Variants in ASTN2 observed in about 807,000 individuals in gnomAD.
ASTN2 encodes astrotactin 2, also known as astrotactin-2.
Under a neutral mutation model 139.8 loss-of-function variants are expected in ASTN2, and 54 were observed. That is an observed-to-expected ratio of 0.39 (90% CI 0.31 to 0.48). The LOEUF (loss-of-function observed/expected upper bound fraction) is 0.48. ASTN2 is among the 20% of genes least tolerant of loss of function. ASTN2 has a pLI of 0.95. For synonymous variants in ASTN2, 756 were observed against 719.5 expected (o/e 1.05, Z -0.81); for missense variants, 1,565 against 1,725.1 (o/e 0.91, Z 1.64).
intron 7 of ASTN2, among the ~76,000 whole-genome samples, chr9:116,992,646 T>A (rs1836892000): frequency 6.6e-6 from 1 of 152,164 alleles, no homozygotes; most frequent in African/African-American, 2.4e-5. Flanking sequence ...CCTTTCACCC[T>A]GAGTTGGTGT....
At chr9:117,366,046 C>T (rs1176957465) in intron 1 of ASTN2, among the ~76,000 whole-genome samples, 1 of 152,152 alleles carries the variant, frequency 6.6e-6, no homozygotes, top group African/African-American at 2.4e-5. Flanking sequence ...CTGTTCGTTT[C>T]CCCTTGTAAA....
chr9:117,336,683 T>C (rs1828894176), intron 1 of ASTN2, among the ~76,000 whole-genome samples: 1 of 152,178 alleles, frequency 6.6e-6, no homozygotes, highest in Non-Finnish European at 1.5e-5. Context: ...TTCCTGACCT[T>C]GCCTAAAATG....
At chr9:116,625,869 C>A (rs1342861719) in intron 17 of ASTN2, among the ~76,000 whole-genome samples, 2 of 152,052 alleles carry the variant, frequency 1.3e-5, no homozygotes, top group African/African-American at 4.8e-5. Flanking sequence ...GAGATTTTGT[C>A]CCTCTCTCCT....
intron 2 of ASTN2, among the ~76,000 whole-genome samples, chr9:117,223,877 C>G (rs1327024596): frequency 6.6e-6 from 1 of 152,096 alleles, no homozygotes; most frequent in Non-Finnish European, 1.5e-5. Flanking sequence ...AAACATGTTT[C>G]TCTTTAAAAT....
At chr9:116,762,273 T>C (rs1008393345) in intron 13 of ASTN2, among the ~76,000 whole-genome samples, 15 of 152,350 alleles carry the variant, frequency 9.8e-5, no homozygotes, top group African/African-American at 2.9e-4. Context: ...GTTTTGCCAC[T>C]TGTTGTCTGT....
chr9:116,808,839 C>A (rs773461469), intron 12 of ASTN2, among the ~76,000 whole-genome samples: 5 of 152,124 alleles, frequency 3.3e-5, no homozygotes. Context: ...TACTGCCAAT[C>A]TAGGATAGGA....
In ASTN2 at chr9:116,993,876, A is replaced by ATTTT. The variant is rs1554767643; in HGVS notation, c.1591+14212_1591+14215dup. ...ATGATATATATATATATATATATAT[A>ATTTT]TTTTAACTATATTACTATATATATT... On this transcript the variant is annotated intron_variant, in intron 7 of 22. Transcript: ENST00000313400. 1.1e-3 allele frequency among the ~76,000 whole-genome samples: 157 copies of ATTTT among 142,046 alleles called. 1 individual carries two copies. The highest frequency in any genetic ancestry group is 3.9e-3 in the African/African-American group (150 of 38,852). The allele number at this position is 142,046 out of a possible 152,430, so 93.2% of individuals were successfully genotyped here. A position where few individuals can be genotyped will look rare whatever the true frequency, so the allele number is the denominator to read the frequency against.
At chr9:117,157,765 A>G (rs1262876969) in intron 3 of ASTN2, among the ~76,000 whole-genome samples, 9 of 152,140 alleles carry the variant, frequency 5.9e-5, no homozygotes, top group Middle Eastern at 3.4e-3. Context: ...GGTGCTATAG[A>G]TGAGAAGGAG....
At chr9:117,409,445 G>A (rs555194369) in intron 1 of ASTN2, among the ~76,000 whole-genome samples, 38 of 152,282 alleles carry the variant, frequency 2.5e-4, no homozygotes, top group Non-Finnish European at 4.1e-4. Flanking sequence ...TCTGCCAAAC[G>A]GAGGTCCAGT....
At chr9:117,010,430 A>G (rs1372949758) in intron 6 of ASTN2, among the ~76,000 whole-genome samples, 23 of 152,166 alleles carry the variant, frequency 1.5e-4, no homozygotes, top group Non-Finnish European at 2.4e-4. Flanking sequence ...ATTGTGTCCC[A>G]GGGCTGAGTT....
At chr9:117,339,262 C>G (rs1159718938) in intron 1 of ASTN2, among the ~76,000 whole-genome samples, 1 of 152,168 alleles carries the variant, frequency 6.6e-6, no homozygotes, top group East Asian at 1.9e-4. Flanking sequence ...GTGGCAGAAT[C>G]AGGGTAGGAA....
At chr9:116,508,485 A>AGT (rs112019921) in intron 19 of ASTN2, among the ~76,000 whole-genome samples, 2,566 of 150,200 alleles carry the variant, frequency 0.017, 31 homozygotes, top group Middle Eastern at 0.056. Flanking sequence ...TGTGAGTGTG[A>AGT]GTGTGTGTGT....
chr9:116,439,386 G>GCTTTTGTTC (rs1847770616), intron 22 of ASTN2, among the ~76,000 whole-genome samples: 1 of 145,596 alleles, frequency 6.9e-6, no homozygotes, highest in African/African-American at 2.6e-5. Flanking sequence ...ATTTTTAGTA[G>GCTTTTGTTC]AGACGGGGTT....
At chr9:116,659,456 CTTTGT>C (rs375788206) in intron 16 of ASTN2, among the ~76,000 whole-genome samples, 55 of 152,230 alleles carry the variant, frequency 3.6e-4, no homozygotes, top group Middle Eastern at 3.4e-3. Context: ...GACAGTTGGT[CTTTGT>C]TTTATTTTAT....
intron 1 of ASTN2, among the ~76,000 whole-genome samples, chr9:117,333,216 C>T (rs986318609): frequency 1.5e-4 from 23 of 152,164 alleles, no homozygotes; most frequent in Admixed American, 5.9e-4. Context: ...CTGTTAATTC[C>T]ACCTCATCAC....
chr9:117,055,932 ACT>A (rs1246579936), intron 5 of ASTN2, among the ~76,000 whole-genome samples: 12 of 152,286 alleles, frequency 7.9e-5, no homozygotes, highest in African/African-American at 2.9e-4. Context: ...TTTAGCTCAC[ACT>A]CTCTTTGGCT....
intron 10 of ASTN2, among the ~76,000 whole-genome samples, chr9:116,867,185 A>T (rs537802252): frequency 1.3e-5 from 2 of 152,284 alleles, no homozygotes; most frequent in East Asian, 3.9e-4. Context: ...GAAAGCAAAG[A>T]GAGAAACAGA....
chr9:116,736,149 T>C (rs1828919884), intron 13 of ASTN2, among the ~76,000 whole-genome samples: 1 of 152,222 alleles, frequency 6.6e-6, no homozygotes, highest in Non-Finnish European at 1.5e-5. Flanking sequence ...ATATATTGCT[T>C]TCAACCATGA....
At chr9:117,141,509 G>A (rs763227997) in intron 3 of ASTN2, 31 bp from the exon 4 acceptor site, 5 of 1,357,830 alleles carry the variant, frequency 3.7e-6, no homozygotes, top group Non-Finnish European at 9.8e-7. Flanking sequence ...TGAGGTTAGG[G>A]CTTGAGCCCA....
Sources: gnomAD v4.1 joint callset for allele counts (sites outside exome capture counted in the v4.1 genomes callset) on GRCh38, gnomAD v4.1.1 for gene constraint, MANE v1.5 for transcripts, NCBI Gene and HGNC (gene_info 2026-07-23, HGNC 2026-07-21) for gene names.